Variants in SPAG16 observed in about 807,000 individuals in gnomAD.
SPAG16 encodes the protein sperm associated antigen 16, also known as sperm-associated antigen 16 protein.
Under a neutral mutation model 80.4 loss-of-function variants are expected in SPAG16, and 86 were observed. The observed-to-expected ratio is 1.07, with a 90% confidence interval of 0.90 to 1.28. The LOEUF (loss-of-function observed/expected upper bound fraction) is 1.28, where lower values mean the gene tolerates loss of function less well. SPAG16 is among the 50% of genes most tolerant of loss of function. The probability of loss-of-function intolerance (pLI) is 0.00; values close to 1 mark genes in which losing one functional copy is unlikely to be tolerated. For missense variants in SPAG16, 870 were observed against 765.3 expected, an observed-to-expected ratio of 1.14 and a Z score of -1.61; for synonymous variants, 294 against 265.9, an observed-to-expected ratio of 1.11 and a Z score of -1.03.
rs180924296 is a variant in SPAG16, at chr2:214,382,548, G to A, written c.1721-27592G>A. ...CAGACTTAAGCTCTTTCACGGAGGAGGGTGTGCTTGAAAAGATAATAGTGG... is the reference window on the plus strand; with the variant it reads ...CAGACTTAAGCTCTTTCACGGAGGAAGGTGTGCTTGAAAAGATAATAGTGG... On this transcript the variant is annotated intron_variant, in intron 15 of 15. Coordinates refer to ENST00000331683, the MANE Select transcript of SPAG16 (RefSeq NM_024532.5). Among the ~76,000 whole-genome samples the A allele has an allele frequency of 5.5e-3, 835 of 152,284 alleles. 7 individuals carry two copies. Among genetic ancestry groups the A allele is most frequent in the Non-Finnish European group, 8.9e-3 (603 of 68,016 alleles).
chr2:213,358,768 C>G (rs1575350452), intron 7 of SPAG16, among the ~76,000 whole-genome samples: 2 of 152,300 alleles, frequency 1.3e-5, no homozygotes, highest in East Asian at 3.9e-4. Context: ...GTCAACTCAT[C>G]AAAGTCATTC....
intron 10 of SPAG16, among the ~76,000 whole-genome samples, chr2:213,713,700 G>A (rs2066107126): frequency 6.6e-6 from 1 of 152,172 alleles, no homozygotes; most frequent in South Asian, 2.1e-4. Flanking sequence ...GAAAGAAGCT[G>A]TAATGACTTC....
intron 15 of SPAG16, among the ~76,000 whole-genome samples, chr2:214,406,225 A>G (rs1023852646): frequency 6.6e-6 from 1 of 152,218 alleles, no homozygotes; most frequent in Non-Finnish European, 1.5e-5. Flanking sequence ...CTAGGTGTAC[A>G]CTGTCAAAAT....
At position 213,468,502 on chromosome 2, in the gene SPAG16, TAG is replaced by T. The variant is rs1491551562; in HGVS notation, c.943-21459_943-21458del. On this transcript the variant is annotated intron_variant, in intron 9 of 15. Coordinates refer to ENST00000331683, the MANE Select transcript of SPAG16 (RefSeq NM_024532.5). ...ATAGATATATATATGTATTTATATA[TAG>T]ATATATATATATCTATGTATTTATA... Among the ~76,000 whole-genome samples the T allele has an allele frequency of 1.4e-3, 91 of 65,636 alleles. 1 individual carries two copies. The highest frequency in any genetic ancestry group is 4.3e-3 in the African/African-American group (85 of 19,972). 43.1% of individuals were successfully genotyped at this position (65,636 alleles called of 152,430 possible). A position where few individuals can be genotyped will look rare whatever the true frequency, so the allele number is the denominator to read the frequency against.
intron 11 of SPAG16, among the ~76,000 whole-genome samples, chr2:213,874,251 T>A (rs1225491188): frequency 6.6e-6 from 1 of 152,142 alleles, no homozygotes; most frequent in African/African-American, 2.4e-5. Flanking sequence ...TTAAAATCAT[T>A]TTTCTTCAAT....
chr2:214,065,040 C>T (rs559335579), intron 13 of SPAG16, among the ~76,000 whole-genome samples: 2 of 151,648 alleles, frequency 1.3e-5, no homozygotes, highest in Non-Finnish European at 1.5e-5. Context: ...AATATTTTTT[C>T]TCATGTGATT....
intron 15 of SPAG16, among the ~76,000 whole-genome samples, chr2:214,220,633 A>G (rs1353876911): frequency 6.6e-6 from 1 of 152,116 alleles, no homozygotes; most frequent in Non-Finnish European, 1.5e-5. Flanking sequence ...TGAATATGCT[A>G]AAACTGGATG....
chr2:214,287,139 G>C (rs1026962692), intron 15 of SPAG16, among the ~76,000 whole-genome samples: 2 of 152,120 alleles, frequency 1.3e-5, no homozygotes, highest in African/African-American at 4.8e-5. Flanking sequence ...TTTAGCAAAT[G>C]CCATAATCAT....
chr2:213,869,315 TAC>T (rs1366519178), intron 11 of SPAG16, among the ~76,000 whole-genome samples: 89 of 93,666 alleles, frequency 9.5e-4, no homozygotes, highest in African/African-American at 2.8e-3. Context: ...ATAATATGTA[TAC>T]ACACACACAT....
At chr2:213,993,038 A>G (rs1279658546) in intron 12 of SPAG16, among the ~76,000 whole-genome samples, 2 of 152,184 alleles carry the variant, frequency 1.3e-5, no homozygotes, top group Non-Finnish European at 2.9e-5. Flanking sequence ...AGTGACAGGC[A>G]CAAACACAAG....
intron 15 of SPAG16, among the ~76,000 whole-genome samples, chr2:214,380,436 A>G (rs1223714289): frequency 6.6e-6 from 1 of 152,226 alleles, no homozygotes. Flanking sequence ...CTTCTGCCTT[A>G]TTGTTCAAGA....
chr2:213,955,027 G>T (rs1432502115), intron 12 of SPAG16, among the ~76,000 whole-genome samples: 5 of 151,908 alleles, frequency 3.3e-5, no homozygotes, highest in Non-Finnish European at 7.4e-5. Context: ...TCAGTTGTAA[G>T]ATTTCTTTAC....
At chr2:214,254,441 CTA>C (rs1690532418) in intron 15 of SPAG16, among the ~76,000 whole-genome samples, 1 of 151,990 alleles carries the variant, frequency 6.6e-6, no homozygotes, top group Non-Finnish European at 1.5e-5. Flanking sequence ...ATAGCTCTTA[CTA>C]TTTTGAGATA....
chr2:213,356,260 A>G (rs1575338509), intron 7 of SPAG16, among the ~76,000 whole-genome samples: 1 of 152,180 alleles, frequency 6.6e-6, no homozygotes, highest in African/African-American at 2.4e-5. Context: ...TGCTGGCCTC[A>G]TAAAATGAGT....
intron 10 of SPAG16, among the ~76,000 whole-genome samples, chr2:213,781,028 A>G (rs1160668857): frequency 2.6e-5 from 4 of 152,194 alleles, no homozygotes; most frequent in Non-Finnish European, 5.9e-5. Flanking sequence ...GCCCTGAAAA[A>G]TAATATAGGC....
chr2:214,091,701 C>T (rs2052222161), intron 13 of SPAG16, among the ~76,000 whole-genome samples: 1 of 152,052 alleles, frequency 6.6e-6, no homozygotes, highest in South Asian at 2.1e-4. Context: ...CTCTTGTTTT[C>T]TAGTTTACTT....
At chr2:213,443,801 G>T (rs564044796) in intron 9 of SPAG16, among the ~76,000 whole-genome samples, 1 of 152,274 alleles carries the variant, frequency 6.6e-6, no homozygotes, top group Admixed American at 6.5e-5. Flanking sequence ...AAGTTGTGGT[G>T]CTTGATGCAT....
At chr2:213,895,408 G>GA (rs2076956552) in intron 11 of SPAG16, among the ~76,000 whole-genome samples, 1 of 152,072 alleles carries the variant, frequency 6.6e-6, no homozygotes, top group Non-Finnish European at 1.5e-5. Context: ...CACAGAAATA[G>GA]AAAAAGCAAT....
intron 13 of SPAG16, among the ~76,000 whole-genome samples, chr2:214,027,133 C>A (rs1276468179): frequency 6.6e-6 from 1 of 151,422 alleles, no homozygotes; most frequent in Non-Finnish European, 1.5e-5. Flanking sequence ...GAAACACACC[C>A]TTAAAATAAG....
Sources: gnomAD v4.1 joint callset for allele counts (sites outside exome capture counted in the v4.1 genomes callset) on GRCh38, gnomAD v4.1.1 for gene constraint, MANE v1.5 for transcripts, NCBI Gene and HGNC (gene_info 2026-07-23, HGNC 2026-07-21) for gene names.